TMEM266: variants seen among roughly 807,000 people sequenced by gnomAD.
TMEM266 encodes transmembrane protein 266.
A neutral mutation model predicts 50.5 loss-of-function variants in TMEM266; 33 were observed. The ratio of observed to expected loss-of-function variants is 0.65; its 90% CI spans 0.50 to 0.87. The LOEUF is 0.87. Ranked by LOEUF, TMEM266 falls within the 40% of genes least tolerant of loss-of-function variation. The pLI, the probability that TMEM266 is intolerant of heterozygous loss-of-function variation, is 0.00. For missense variants in TMEM266, 655 were observed against 695.1 expected (o/e 0.94, Z 0.65); for synonymous variants, 310 against 292.3 (o/e 1.06, Z -0.62).
chr15:76,075,301 G>C (rs2036589700), intron 1 of TMEM266, among the ~76,000 whole-genome samples: 1 of 152,116 alleles, frequency 6.6e-6, no homozygotes, highest in South Asian at 2.1e-4. Context: ...GCAACAGTTA[G>C]AGGTCAAGAG....
At chr15:76,098,396 C>A (rs941322689) in intron 1 of TMEM266, among the ~76,000 whole-genome samples, 3 of 152,102 alleles carry the variant, frequency 2.0e-5, no homozygotes, top group Admixed American at 2.0e-4. Flanking sequence ...TTTGCCTGGG[C>A]ATCACCAGCA....
chr15:76,192,142 CT>C lies in TMEM266; in HGVS notation c.944del (p.Leu315ArgfsTer9). ...GGCGGCCGAGAGCGTCGTGGAGGAGCTGCAGCCCTCGCAAGGTAAGCCCGGG... is the reference window on the plus strand; with the variant it reads ...GGCGGCCGAGAGCGTCGTGGAGGAGCGCAGCCCTCGCAAGGTAAGCCCGGG... On this transcript the variant is annotated frameshift_variant, in exon 9 of 11. Transcript: ENST00000388942. LOFTEE classifies it high-confidence loss of function. 7.1e-7 allele frequency: 1 copy of C among 1,403,074 alleles called. No individual in the cohort carries two copies. Among genetic ancestry groups the C allele is most frequent in the Non-Finnish European group, 9.2e-7 (1 of 1,081,434 alleles). The allele number at this position is 1,403,074 out of a possible 1,614,324, so 86.9% of individuals were successfully genotyped here. A position where few individuals can be genotyped will look rare whatever the true frequency, so the allele number is the denominator to read the frequency against.
chr15:76,160,563 GT>G lies in TMEM266; in HGVS notation c.456+396del, dbSNP rs2038002818. ...CACACAGGGAAGCTCTTGGGCCGCT[GT>G]GGCTGTGGTCTTGGGCCCACAGTTG... On this transcript the variant is annotated intron_variant, in intron 5 of 10. Transcript: ENST00000388942. The surrounding 1 kb of genome is among the most constrained non-coding windows in gnomAD (Gnocchi z 5.7). Among the ~76,000 whole-genome samples the G allele has an allele frequency of 6.6e-6, 1 of 152,236 alleles. No individual in the cohort carries two copies. The highest frequency in any genetic ancestry group is 1.5e-5 in the Non-Finnish European group (1 of 68,052).
chr15:76,204,327 G>A lies in TMEM266; in HGVS notation c.*12G>A. 6.3e-7 allele frequency: 1 copy of A among 1,583,192 alleles called. No individual in the cohort carries two copies. Among genetic ancestry groups the A allele is most frequent in the Non-Finnish European group, 8.6e-7 (1 of 1,159,736 alleles). ...TCCCTGAGGCCTAGAGCCTGCCATGGGCTGGGTGAGATGAGGGGAGACAGC... is the reference window on the plus strand; with the variant it reads ...TCCCTGAGGCCTAGAGCCTGCCATGAGCTGGGTGAGATGAGGGGAGACAGC... On this transcript the variant is annotated 3_prime_UTR_variant, in exon 11 of 11. Coordinates refer to ENST00000388942, the MANE Select transcript of TMEM266 (RefSeq NM_152335.3).
intron 8 of TMEM266, among the ~76,000 whole-genome samples, chr15:76,177,570 A>G (rs2038307429): frequency 1.3e-5 from 2 of 152,256 alleles, no homozygotes; most frequent in Non-Finnish European, 2.9e-5. Context: ...TTTGTTTCGC[A>G]CAGAATGCCT....
At chr15:76,108,138 A>G (rs752632228) in intron 1 of TMEM266, among the ~76,000 whole-genome samples, 16 of 152,234 alleles carry the variant, frequency 1.1e-4, no homozygotes, top group South Asian at 2.1e-4. Flanking sequence ...CCCAGCTTCT[A>G]TCTCAGGGTC....
chr15:76,142,868 C>T (rs2142036111), intron 3 of TMEM266, among the ~76,000 whole-genome samples: 1 of 152,324 alleles, frequency 6.6e-6, no homozygotes, highest in South Asian at 2.1e-4. Context: ...AATCATATGG[C>T]TGTGCAGACT....
intron 7 of TMEM266, among the ~76,000 whole-genome samples, chr15:76,172,652 C>G (rs1221271449): frequency 1.3e-5 from 2 of 152,144 alleles, no homozygotes; most frequent in Non-Finnish European, 2.9e-5. Context: ...CTTCGGAAGG[C>G]TGGGAAGGCT....
chr15:76,184,932 G>T (rs1345429393), intron 8 of TMEM266, among the ~76,000 whole-genome samples: 1 of 152,152 alleles, frequency 6.6e-6, no homozygotes, highest in Non-Finnish European at 1.5e-5. Context: ...CCTAGGGATG[G>T]TCTTTTTTTC....
In TMEM266 at chr15:76,139,863, G is replaced by A. The variant is rs2037650613; in HGVS notation, c.227+1968G>A. On this transcript the variant is annotated intron_variant, in intron 3 of 10. Coordinates refer to ENST00000388942, the MANE Select transcript of TMEM266 (RefSeq NM_152335.3). The surrounding 1 kb of genome is among the most constrained non-coding windows in gnomAD (Gnocchi z 4.1). ...CACATGTGCCCCCTGTGCGTGTTAC[G>A]GCACCGCGGGTGGACCTTGCTATGG... Among the ~76,000 whole-genome samples the A allele has an allele frequency of 6.6e-6, 1 of 152,168 alleles. No homozygotes were observed. Among genetic ancestry groups the A allele is most frequent in the African/African-American group, 2.4e-5 (1 of 41,436 alleles).
At chr15:76,195,981 C>T (rs2038649347) in intron 9 of TMEM266, among the ~76,000 whole-genome samples, 2 of 152,158 alleles carry the variant, frequency 1.3e-5, no homozygotes, top group African/African-American at 2.4e-5. Context: ...TAGTGGGCAA[C>T]TTCCAGGAGG....
chr15:76,086,053 GAA>G (rs567541549), intron 1 of TMEM266, among the ~76,000 whole-genome samples: 1 of 110,544 alleles, frequency 9.0e-6, no homozygotes. Context: ...CATTTCAAAA[GAA>G]AAAAAAAAAA....
chr15:76,185,536 T>A (rs2038480007), intron 8 of TMEM266, among the ~76,000 whole-genome samples: 1 of 152,236 alleles, frequency 6.6e-6, no homozygotes, highest in Non-Finnish European at 1.5e-5. Context: ...CTTTCTCCCC[T>A]ATTTTTGTTC....
chr15:76,204,237 C>T lies in TMEM266; in HGVS notation c.1518C>T (p.Pro506=), dbSNP rs2038801552. 6.2e-7 allele frequency: 1 copy of T among 1,614,002 alleles called. No individual in the cohort carries two copies. Residue 506 remains proline, a synonymous_variant, in exon 11 of 11, where the codon CCC becomes CCT. Transcript: ENST00000388942. The stretch of plus-strand genomic sequence containing the variant: ...TCAGGCCTGTCATCCACTTCCAGCC[C>T]ACTGTGCCCATGCTGGAGGACAAGT...
chr15:76,103,761 AATTAGC>A (rs201044328), intron 1 of TMEM266, among the ~76,000 whole-genome samples: 2,360 of 152,036 alleles, frequency 0.016, 28 homozygotes, highest in Non-Finnish European at 0.023. Context: ...AAAATACAAA[AATTAGC>A]TGGGCATGAT....
At chr15:76,070,599 C>T (rs1364745222) in intron 1 of TMEM266, among the ~76,000 whole-genome samples, 1 of 152,214 alleles carries the variant, frequency 6.6e-6, no homozygotes, top group Non-Finnish European at 1.5e-5. Flanking sequence ...AGTACTACTA[C>T]TCTAGTACTC....
chr15:76,107,354 C>G (rs2037098983), intron 1 of TMEM266, among the ~76,000 whole-genome samples: 1 of 152,178 alleles, frequency 6.6e-6, no homozygotes, highest in African/African-American at 2.4e-5. Context: ...GCTCGTTGCC[C>G]TCATACCAGA....
intron 8 of TMEM266, among the ~76,000 whole-genome samples, chr15:76,189,095 G>A (rs1035225292): frequency 6.6e-6 from 1 of 152,188 alleles, no homozygotes; most frequent in Non-Finnish European, 1.5e-5. Flanking sequence ...AGGAGGCTGA[G>A]GTGGGAGGAT....
rs1389925551 is a variant in TMEM266, at chr15:76,130,252, AAAC to A, written c.-96-3915_-96-3913del. On this transcript the variant is annotated intron_variant, in intron 1 of 10. Transcript: ENST00000388942. ...AAAAAAAAAAAAAAAAAAAAAAAAA[AAAC>A]CGCCGGGTGCAGTGTCTCATGCCTG... Among the ~76,000 whole-genome samples the A allele has an allele frequency of 8.7e-3, 762 of 87,526 alleles. 127 individuals are homozygous for A. The highest frequency in any genetic ancestry group is 0.011 in the Non-Finnish European group (529 of 47,460). 57.4% of individuals were successfully genotyped at this position (87,526 alleles called of 152,430 possible). A position where few individuals can be genotyped will look rare whatever the true frequency, so the allele number is the denominator to read the frequency against.
Sources: allele counts gnomAD v4.1 joint callset (sites outside exome capture counted in the v4.1 genomes callset), GRCh38; gene constraint gnomAD v4.1.1; non-coding constraint Gnocchi (gnomAD v3.1); transcripts MANE v1.5; gene names NCBI Gene and HGNC (gene_info 2026-07-23, HGNC 2026-07-21).